GLI3: variants seen among roughly 807,000 people sequenced by gnomAD.
GLI3 encodes GLI family zinc finger 3.
A neutral mutation model predicts 100.8 loss-of-function variants in GLI3; 20 were observed. The observed-to-expected ratio is 0.20, with a 90% CI of 0.14 to 0.29. The LOEUF (loss-of-function observed/expected upper bound fraction) is 0.29. GLI3 is among the 10% of genes least tolerant of loss of function. The pLI, the probability that GLI3 is intolerant of heterozygous loss-of-function variation, is 1.00. For missense variants in GLI3, 2,040 were observed against 2,128.5 expected (o/e 0.96, Z 0.82); for synonymous variants, 938 against 860.5 (o/e 1.09, Z -1.58).
intron 1 of GLI3, among the ~76,000 whole-genome samples, chr7:42,235,664 C>T (rs1410247041): frequency 6.6e-6 from 1 of 152,138 alleles, no homozygotes; most frequent in African/African-American, 2.4e-5. Context: ...AAAAGGGGAG[C>T]AGGAGGTATT....
intron 3 of GLI3, among the ~76,000 whole-genome samples, chr7:42,108,311 T>C (rs1357475814): frequency 6.6e-6 from 1 of 152,176 alleles, no homozygotes; most frequent in Admixed American, 6.5e-5. Flanking sequence ...TCAATCCTGA[T>C]AAATTAAAAA....
rs150581667 is a variant in GLI3 at position 42,178,082 on chromosome 7, G to A, written c.125-29614C>T. ...TGCTATTCAGCTGAGAATCTGAGGG[G>A]TACAGTGAATGTGCTGCCTCTGGGC... On this transcript the variant is annotated intron_variant, in intron 2 of 14. Transcript: ENST00000395925. Among the ~76,000 whole-genome samples the A allele has an allele frequency of 5.3e-3, 813 of 152,294 alleles. 2 individuals are homozygous for A. The highest frequency in any genetic ancestry group is 0.018 in the African/African-American group (766 of 41,550).
At chr7:42,055,768 A>G (rs1219112802) in intron 4 of GLI3, among the ~76,000 whole-genome samples, 1 of 152,208 alleles carries the variant, frequency 6.6e-6, no homozygotes, top group Admixed American at 6.5e-5. Context: ...CTTAATTGGC[A>G]TATGCTTTTT....
At chr7:42,142,949 A>G (rs1237275042) in intron 3 of GLI3, among the ~76,000 whole-genome samples, 1 of 151,568 alleles carries the variant, frequency 6.6e-6, no homozygotes, top group Non-Finnish European at 1.5e-5. Context: ...AAAAAAAAAA[A>G]AAAAAAAGGC....
chr7:42,163,676 C>T (rs1213329140), intron 2 of GLI3, among the ~76,000 whole-genome samples: 1 of 152,168 alleles, frequency 6.6e-6, no homozygotes, highest in East Asian at 1.9e-4. Flanking sequence ...GTGATCCACC[C>T]GCCTCAGCCT....
At chr7:42,260,003 T>C (rs901968808) in intron 1 of GLI3, among the ~76,000 whole-genome samples, 1 of 152,220 alleles carries the variant, frequency 6.6e-6, no homozygotes, top group Non-Finnish European at 1.5e-5. Context: ...TCTGTGTATG[T>C]ACAAAACAAC....
rs1319175608 is a variant in GLI3 at position 41,972,696 on chromosome 7, T to C, written c.1813-69A>G. ...AGACTATGCCCCAGCCCAAAAGTCCTTTATGGTTGCTCATTACATTTTTAA... is the reference window on the plus strand; with the variant it reads ...AGACTATGCCCCAGCCCAAAAGTCCCTTATGGTTGCTCATTACATTTTTAA... On this transcript the variant is annotated intron_variant, in intron 12 of 14. Coordinates refer to ENST00000395925, the MANE Select transcript of GLI3 (RefSeq NM_000168.6). The surrounding 1 kb of genome is among the most constrained non-coding windows in gnomAD (Gnocchi z 4.4). The C allele has an allele frequency of 1.5e-6, 2 of 1,301,700 alleles. No homozygotes were observed. The highest frequency in any genetic ancestry group is 4.6e-5 in the East Asian group (2 of 43,218). The allele number at this position is 1,301,700 out of a possible 1,614,324, so 80.6% of individuals were successfully genotyped here.
chr7:42,000,553 A>G (rs1028205515), intron 10 of GLI3, among the ~76,000 whole-genome samples: 3 of 152,206 alleles, frequency 2.0e-5, no homozygotes, highest in Non-Finnish European at 4.4e-5. Context: ...AAGACTCGGT[A>G]AAAGCAAGCT....
At chr7:42,248,011 G>A (rs563291513) in intron 1 of GLI3, among the ~76,000 whole-genome samples, 1 of 152,286 alleles carries the variant, frequency 6.6e-6, no homozygotes, top group South Asian at 2.1e-4. Context: ...AATACAATGA[G>A]TGTTTGTTTC....
chr7:42,110,207 TATTGTTAGTATCTCCATACAAATAAATTA>T (rs1291041830), intron 3 of GLI3, among the ~76,000 whole-genome samples: 2 of 152,214 alleles, frequency 1.3e-5, no homozygotes, highest in Non-Finnish European at 2.9e-5. Flanking sequence ...TTCCAAAATT[TATTGTTAGTATCTCCATACAAATAAATTA>T]ATTTTCAGTT....
At chr7:42,084,763 T>C (rs1477596060) in intron 3 of GLI3, among the ~76,000 whole-genome samples, 2 of 152,190 alleles carry the variant, frequency 1.3e-5, no homozygotes, top group Non-Finnish European at 2.9e-5. Flanking sequence ...AATGGTGTAT[T>C]TTCAGTGACA....
intron 2 of GLI3, among the ~76,000 whole-genome samples, chr7:42,155,490 A>G (rs1786981548): frequency 6.6e-6 from 1 of 152,048 alleles, no homozygotes; most frequent in Non-Finnish European, 1.5e-5. Flanking sequence ...AGAGCCATAG[A>G]GTAGCTTAAT....
rs1271034760 is a variant in GLI3, at chr7:41,972,816, T to C, written c.1813-189A>G. On this transcript the variant is annotated intron_variant, in intron 12 of 14. Transcript: ENST00000395925. The surrounding 1 kb of genome is among the most constrained non-coding windows in gnomAD (Gnocchi z 4.4). ...CCATTAGAACACTGTTCCGTGTCCA[T>C]AGAATTTAGCTTTAATAGATTATGG... Among the ~76,000 whole-genome samples the C allele has an allele frequency of 6.6e-6, 1 of 152,156 alleles. No homozygotes were observed. Among genetic ancestry groups the C allele is most frequent in the African/African-American group, 2.4e-5 (1 of 41,438 alleles).
At chr7:42,170,285 T>C (rs1039347323) in intron 2 of GLI3, among the ~76,000 whole-genome samples, 2,896 of 145,076 alleles carry the variant, frequency 0.02, 94 homozygotes, top group African/African-American at 0.07. Flanking sequence ...TATATATATA[T>C]ATACACACAC....
intron 3 of GLI3, among the ~76,000 whole-genome samples, chr7:42,123,521 T>C (rs1314176474): frequency 6.6e-6 from 1 of 152,242 alleles, no homozygotes; most frequent in Non-Finnish European, 1.5e-5. Context: ...ATACAAATTA[T>C]CCTTACTTCT....
At chr7:42,145,653 A>C in intron 3 of GLI3, 1 of 398,200 alleles carries the variant, frequency 2.5e-6, no homozygotes, top group Non-Finnish European at 4.4e-6. Context: ...ACACTGAATC[A>C]AATACAAGTG....
rs756156901 is a variant in GLI3 at position 41,965,250 on chromosome 7, C to T, written c.3823G>A (p.Gly1275Arg). The change falls in exon 15 of 15, where the codon GGG (glycine) becomes AGG (arginine). Residue 1275 changes from glycine (G) to arginine (R), a missense_variant. Gly to Arg is a moderately radical substitution (Grantham distance 125). Coordinates refer to ENST00000395925, the MANE Select transcript of GLI3 (RefSeq NM_000168.6). ...CTCTTCAGCTTTGAGGCTTGAATCC[C>T]GGCACCACAGGCACCGTCGAGTGCA... Reference protein sequence around the residue: ...PGALDGACGAGIQASKLKSTP... With the variant: ...PGALDGACGARIQASKLKSTP... The T allele has an allele frequency of 2.5e-5, 41 of 1,613,696 alleles. No individual in the cohort carries two copies. Among genetic ancestry groups the T allele is most frequent in the Non-Finnish European group, 3.3e-5 (39 of 1,179,810 alleles).
intron 1 of GLI3, among the ~76,000 whole-genome samples, chr7:42,229,052 A>G (rs1287421937): frequency 2.0e-5 from 3 of 152,242 alleles, no homozygotes; most frequent in African/African-American, 7.2e-5. Flanking sequence ...AAATGTTTAA[A>G]AATAAAGCAC....
At chr7:42,242,855 C>G (rs1788939268), upstream of GLI3, among the ~76,000 whole-genome samples, 1 of 152,164 alleles carries the variant, frequency 6.6e-6, no homozygotes, top group South Asian at 2.1e-4. Context: ...ATACAACCTC[C>G]TCTATTTTGT....
Sources: allele counts gnomAD v4.1 joint callset (sites outside exome capture counted in the v4.1 genomes callset), GRCh38; gene constraint gnomAD v4.1.1; non-coding constraint Gnocchi (gnomAD v3.1); transcripts MANE v1.5; gene names NCBI Gene and HGNC (gene_info 2026-07-23, HGNC 2026-07-21).